PIBF1: variants seen among roughly 807,000 people sequenced by gnomAD.
The protein encoded by PIBF1 is progesterone immunomodulatory binding factor 1.
A neutral mutation model predicts 112.5 loss-of-function variants in PIBF1; 90 were observed. The ratio of observed to expected loss-of-function variants is 0.80; its 90% CI spans 0.67 to 0.95. The LOEUF (loss-of-function observed/expected upper bound fraction) is 0.95, where lower values mean the gene tolerates loss of function less well. PIBF1 is among the 40% of genes least tolerant of loss of function. The pLI, the probability that PIBF1 is intolerant of heterozygous loss-of-function variation, is 0.00. For synonymous variants in PIBF1, 301 were observed against 288.6 expected (o/e 1.04, Z -0.44); for missense variants, 915 against 852.3 (o/e 1.07, Z -0.92).
At chr13:72,961,196 G>A (rs2042595849) in intron 14 of PIBF1, among the ~76,000 whole-genome samples, 1 of 151,820 alleles carries the variant, frequency 6.6e-6, no homozygotes, top group East Asian at 1.9e-4. Context: ...CCCCCTTTTG[G>A]CTTCAGTGTC....
At chr13:72,926,508 T>A (rs2138737578) in intron 13 of PIBF1, among the ~76,000 whole-genome samples, 1 of 152,344 alleles carries the variant, frequency 6.6e-6, no homozygotes, top group South Asian at 2.1e-4. Context: ...TGTAGTCTTC[T>A]TCCTTCTGCA....
intron 6 of PIBF1, among the ~76,000 whole-genome samples, chr13:72,823,315 G>A (rs561881439): frequency 1.3e-5 from 2 of 152,060 alleles, no homozygotes; most frequent in Non-Finnish European, 2.9e-5. Context: ...ACTGAATTTG[G>A]GTGATGGGAG....
chr13:72,821,587 C>T (rs1326660131), intron 5 of PIBF1, among the ~76,000 whole-genome samples: 2 of 152,000 alleles, frequency 1.3e-5, no homozygotes, highest in Admixed American at 1.3e-4. Context: ...TATGTTTTAG[C>T]CTAGTAACTA....
At chr13:72,822,198 CAG>C (rs771312152) in intron 6 of PIBF1, among the ~76,000 whole-genome samples, 1 of 152,050 alleles carries the variant, frequency 6.6e-6, no homozygotes, top group Admixed American at 6.6e-5. Context: ...AAAATGTAAA[CAG>C]AGATAGAAAC....
intron 17 of PIBF1, among the ~76,000 whole-genome samples, chr13:73,004,955 T>C (rs1004996761): frequency 6.6e-6 from 1 of 152,134 alleles, no homozygotes; most frequent in Non-Finnish European, 1.5e-5. Context: ...GAGGCCAAGG[T>C]GTGGGGATCA....
chr13:72,842,936 T>C (rs11148923), intron 9 of PIBF1, among the ~76,000 whole-genome samples: 33,186 of 152,220 alleles, frequency 0.22, 3,715 homozygotes, highest in Middle Eastern at 0.27. Flanking sequence ...TGTTCACTGC[T>C]TCATTAATAA....
At chr13:72,973,327 G>T (rs2042943212) in intron 15 of PIBF1, among the ~76,000 whole-genome samples, 1 of 144,502 alleles carries the variant, frequency 6.9e-6, no homozygotes, top group African/African-American at 2.6e-5. Context: ...AGGGAAGAAA[G>T]AAAAGAAAAA....
At chr13:72,786,555 C>G (rs1190095858) in intron 2 of PIBF1, among the ~76,000 whole-genome samples, 1 of 152,126 alleles carries the variant, frequency 6.6e-6, no homozygotes, top group African/African-American at 2.4e-5. Flanking sequence ...GCTTCCAACT[C>G]TTATGTAATT....
intron 14 of PIBF1, among the ~76,000 whole-genome samples, chr13:72,942,099 T>C (rs1428914584): frequency 6.6e-6 from 1 of 151,964 alleles, no homozygotes; most frequent in Non-Finnish European, 1.5e-5. Flanking sequence ...TCTTCCAGCA[T>C]CCCCAGTGAG....
chr13:72,878,288 G>A (rs938115442), intron 10 of PIBF1, among the ~76,000 whole-genome samples: 5 of 151,618 alleles, frequency 3.3e-5, no homozygotes, highest in Admixed American at 2.6e-4. Flanking sequence ...TCTAATATAC[G>A]TATTTAATGC....
chr13:72,992,015 G>A lies in PIBF1; in HGVS notation c.2050-6807G>A, dbSNP rs2043498447. On this transcript the variant is annotated intron_variant, in intron 16 of 17. Coordinates refer to ENST00000326291, the MANE Select transcript of PIBF1 (RefSeq NM_006346.4). ...TTACAGGCGTCAGCCACCGTGCCCA[G>A]CCCCCGTCTCAATTTTTTTAAAACT... Among the ~76,000 whole-genome samples, 6 of 152,286 alleles carry A rather than the reference G, an allele frequency of 3.9e-5. No homozygotes were observed. In the South Asian group the frequency reaches 1.2e-3, roughly 32 times the overall value.
chr13:73,007,854 C>T (rs2044085417), intron 17 of PIBF1, among the ~76,000 whole-genome samples: 2 of 151,872 alleles, frequency 1.3e-5, no homozygotes, highest in African/African-American at 2.4e-5. Context: ...GCATGCACCC[C>T]ATACAAGAAC....
At chr13:72,898,682 CAA>C (rs202190689) in intron 11 of PIBF1, among the ~76,000 whole-genome samples, 16,524 of 120,098 alleles carry the variant, frequency 0.14, 1,267 homozygotes, top group Non-Finnish European at 0.19. Flanking sequence ...ACTAAAAATG[CAA>C]AAAAAAAAAA....
chr13:72,877,405 T>C (rs566798001), intron 10 of PIBF1, among the ~76,000 whole-genome samples: 10 of 152,332 alleles, frequency 6.6e-5, no homozygotes, highest in Non-Finnish European at 1.3e-4. Context: ...TATAATAAAT[T>C]AGAAAGTATT....
intron 14 of PIBF1, among the ~76,000 whole-genome samples, chr13:72,933,653 C>T (rs999469046): frequency 6.6e-6 from 1 of 152,178 alleles, no homozygotes; most frequent in Non-Finnish European, 1.5e-5. Flanking sequence ...CAGAGGGAAA[C>T]TCTAGTCTCA....
chr13:72,987,792 A>T (rs1472566314), intron 16 of PIBF1, among the ~76,000 whole-genome samples: 5 of 147,624 alleles, frequency 3.4e-5, no homozygotes, highest in African/African-American at 5.0e-5. Flanking sequence ...GATTATAAGC[A>T]TGAGCCACCA....
At chr13:72,849,215 G>A (rs2038016925) in intron 9 of PIBF1, among the ~76,000 whole-genome samples, 1 of 152,120 alleles carries the variant, frequency 6.6e-6, no homozygotes, top group South Asian at 2.1e-4. Flanking sequence ...ACACAGTGTT[G>A]GAATCTAACG....
intron 2 of PIBF1, among the ~76,000 whole-genome samples, chr13:72,786,155 C>G (rs573800686): frequency 1.3e-5 from 2 of 152,210 alleles, no homozygotes; most frequent in African/African-American, 4.8e-5. Context: ...TTATTATTTA[C>G]ATATTATTTT....
At chr13:72,904,714 T>C (rs552149599) in intron 11 of PIBF1, among the ~76,000 whole-genome samples, 2 of 152,112 alleles carry the variant, frequency 1.3e-5, no homozygotes, top group Admixed American at 1.3e-4. Context: ...GTGCTGGGAT[T>C]ACAAGTGTGA....
Sources: allele counts gnomAD v4.1 joint callset (sites outside exome capture counted in the v4.1 genomes callset), GRCh38; gene constraint gnomAD v4.1.1; transcripts MANE v1.5; gene names NCBI Gene and HGNC (gene_info 2026-07-23, HGNC 2026-07-21).